OPHN1: variants seen among roughly 807,000 people sequenced by gnomAD.
The protein encoded by OPHN1 is oligophrenin-1.
OPHN1 carries 11 observed loss-of-function variants against 60.7 expected under a neutral mutation model. That is an observed-to-expected ratio of 0.18 (90% CI 0.11 to 0.30). OPHN1 has a LOEUF of 0.30. Ranked by LOEUF, OPHN1 falls within the 10% of genes least tolerant of loss-of-function variation. The pLI is 1.00. For missense variants in OPHN1, 449 were observed against 611.0 expected, an observed-to-expected ratio of 0.73 and a Z score of 2.80; for synonymous variants, 226 against 222.6, an observed-to-expected ratio of 1.02 and a Z score of -0.14.
intron 15 of OPHN1, among the ~76,000 whole-genome samples, chrX:68,184,059 G>T (rs746547391): frequency 1.8e-5 from 2 of 111,729 alleles, no homozygotes; most frequent in African/African-American, 3.3e-5. Context: ...TGAGTCGGAG[G>T]GGGGAGGGAT....
chrX:68,432,226 T>C (rs2078889395), intron 2 of OPHN1, among the ~76,000 whole-genome samples: 1 of 111,185 alleles, frequency 9.0e-6, no homozygotes, highest in African/African-American at 3.3e-5. Flanking sequence ...AGGGACTAAG[T>C]AGTCAGCTCT....
chrX:68,251,305 C>A (rs2077833880), intron 5 of OPHN1, among the ~76,000 whole-genome samples: 1 of 105,358 alleles, frequency 9.5e-6, no homozygotes, highest in South Asian at 4.5e-4. Context: ...TCCTACCTAG[C>A]CTCCCGAGTA....
chrX:68,212,794 A>G (rs2077590681), intron 7 of OPHN1, among the ~76,000 whole-genome samples: 2 of 112,422 alleles, frequency 1.8e-5, no homozygotes, highest in Admixed American at 9.4e-5. Flanking sequence ...AAAGACATTC[A>G]TCATTTGAAC....
intron 6 of OPHN1, among the ~76,000 whole-genome samples, chrX:68,222,871 T>C (rs1394760505): frequency 1.0e-5 from 1 of 95,457 alleles, no homozygotes; most frequent in African/African-American, 3.8e-5. Context: ...GGCACATGTA[T>C]ACATATGTAA....
At chrX:68,225,592 G>A (rs1251965011) in intron 6 of OPHN1, among the ~76,000 whole-genome samples, 2 of 111,961 alleles carry the variant, frequency 1.8e-5, no homozygotes, top group Non-Finnish European at 3.8e-5. Flanking sequence ...GACTCTGCTG[G>A]TGATACCCAG....
intron 18 of OPHN1, among the ~76,000 whole-genome samples, chrX:68,098,140 A>G (rs2077044673): frequency 9.1e-6 from 1 of 110,463 alleles, no homozygotes; most frequent in African/African-American, 3.3e-5. Context: ...ATGTCTATCT[A>G]TCCTTGGAGA....
chrX:68,260,323 C>T (rs1327794245), intron 5 of OPHN1, among the ~76,000 whole-genome samples: 5 of 110,385 alleles, frequency 4.5e-5, no homozygotes, highest in East Asian at 5.7e-4. Context: ...ATCTATGTTA[C>T]GGTGAACAAC....
chrX:68,408,515 C>T (rs898525021), intron 2 of OPHN1, among the ~76,000 whole-genome samples: 2 of 112,075 alleles, frequency 1.8e-5, no homozygotes, highest in African/African-American at 3.2e-5. Flanking sequence ...TATTAGAGAC[C>T]GTTTTTGGAA....
At chrX:68,159,140 G>A (rs1207126948) in intron 15 of OPHN1, among the ~76,000 whole-genome samples, 1 of 111,760 alleles carries the variant, frequency 8.9e-6, no homozygotes, top group African/African-American at 3.3e-5. Context: ...TCTCTAGAAG[G>A]GAACTGATTT....
chrX:68,155,169 T>C (rs1232483515), intron 15 of OPHN1, among the ~76,000 whole-genome samples: 1 of 112,008 alleles, frequency 8.9e-6, no homozygotes, highest in East Asian at 2.8e-4. Context: ...TGAAGTTGTG[T>C]ATTAGAGAAC....
intron 3 of OPHN1, among the ~76,000 whole-genome samples, chrX:68,284,707 C>CCCA (rs1249961919): frequency 9.0e-6 from 1 of 111,703 alleles, no homozygotes; most frequent in Non-Finnish European, 1.9e-5. Flanking sequence ...CCCATTACCA[C>CCCA]TTCCTCCCAA....
At chrX:68,386,681 A>G (rs2078625827) in intron 2 of OPHN1, among the ~76,000 whole-genome samples, 1 of 112,201 alleles carries the variant, frequency 8.9e-6, no homozygotes, top group African/African-American at 3.2e-5. Context: ...ACTGTTTAGC[A>G]GTGTCTTAAT....
intron 16 of OPHN1, among the ~76,000 whole-genome samples, chrX:68,114,120 G>A (rs1197155342): frequency 9.0e-6 from 1 of 111,030 alleles, no homozygotes; most frequent in African/African-American, 3.3e-5. Context: ...CACAAAATTT[G>A]CAATGCAGTG....
chrX:68,186,658 T>C (rs2077463924), intron 15 of OPHN1, among the ~76,000 whole-genome samples: 1 of 111,367 alleles, frequency 9.0e-6, no homozygotes, highest in African/African-American at 3.3e-5. Flanking sequence ...TACCAGAGAC[T>C]GAGTGGCTTA....
chrX:68,245,487 G>C (rs1388101474), intron 5 of OPHN1, among the ~76,000 whole-genome samples: 1 of 111,834 alleles, frequency 8.9e-6, no homozygotes, highest in Non-Finnish European at 1.9e-5. Flanking sequence ...TTCAAGAGTG[G>C]AGTCTACTTA....
chrX:68,096,594 T>C (rs1453308120), intron 19 of OPHN1, among the ~76,000 whole-genome samples: 1 of 111,768 alleles, frequency 8.9e-6, no homozygotes, highest in Non-Finnish European at 1.9e-5. Context: ...TACTACACAT[T>C]GTTAACACCT....
chrX:68,417,395 A>C (rs2078804729), intron 2 of OPHN1, among the ~76,000 whole-genome samples: 1 of 112,338 alleles, frequency 8.9e-6, no homozygotes, highest in African/African-American at 3.2e-5. Flanking sequence ...CCCAACCTCA[A>C]GTGACTATTC....
At chrX:68,328,625 G>C (rs1387175955) in intron 2 of OPHN1, among the ~76,000 whole-genome samples, 2 of 111,853 alleles carry the variant, frequency 1.8e-5, no homozygotes, top group East Asian at 5.6e-4. Flanking sequence ...GTTGACTTTG[G>C]CAATGGGGAA....
In OPHN1 at chrX:68,187,849, G is replaced by C. The variant is rs181751995; in HGVS notation, c.1276+5070C>G. On this transcript the variant is annotated intron_variant, in intron 15 of 24. Transcript: ENST00000355520. ...TCACCATGTTAGCCAGGATGGTCTC[G>C]ATCTCCTGACCTCGTGATCCGCCCG... Among the ~76,000 whole-genome samples, 124 of 111,747 alleles carry C rather than the reference G, an allele frequency of 1.1e-3. 1 individual carries two copies. In the East Asian group the frequency reaches 0.033, roughly 30 times the overall value.
Sources: gnomAD v4.1 joint callset for allele counts (sites outside exome capture counted in the v4.1 genomes callset) on GRCh38, gnomAD v4.1.1 for gene constraint, MANE v1.5 for transcripts, NCBI Gene and HGNC (gene_info 2026-07-23, HGNC 2026-07-21) for gene names.